TMEM150C: variants seen among roughly 807,000 people sequenced by gnomAD.
TMEM150C encodes the protein transmembrane protein 150C.
A neutral mutation model predicts 29.9 loss-of-function variants in TMEM150C; 10 were observed. That is an observed-to-expected ratio of 0.33 (90% CI 0.21 to 0.57). TMEM150C has a LOEUF of 0.57. TMEM150C is among the 20% of genes least tolerant of loss of function. The pLI, the probability that TMEM150C is intolerant of heterozygous loss-of-function variation, is 0.88. For missense variants in TMEM150C, 251 were observed against 303.6 expected, an observed-to-expected ratio of 0.83 and a Z score of 1.29; for synonymous variants, 101 against 112.5, an observed-to-expected ratio of 0.90 and a Z score of 0.64.
chr4:82,543,828 G>A (rs909362094), intron 1 of TMEM150C, among the ~76,000 whole-genome samples: 1 of 152,130 alleles, frequency 6.6e-6, no homozygotes, highest in Non-Finnish European at 1.5e-5. Flanking sequence ...ACCCTTGTGG[G>A]CCGAGAAGCT....
intron 1 of TMEM150C, among the ~76,000 whole-genome samples, chr4:82,524,537 TTGTC>T (rs1439356823): frequency 6.6e-6 from 1 of 152,210 alleles, no homozygotes; most frequent in Admixed American, 6.5e-5. Flanking sequence ...ACTCAAGTAA[TTGTC>T]TTTATGATGT....
chr4:82,524,938 T>C (rs941922646), intron 1 of TMEM150C, among the ~76,000 whole-genome samples: 1 of 152,112 alleles, frequency 6.6e-6, no homozygotes. Context: ...CACGGTGTGA[T>C]TACAAACTAA....
intron 1 of TMEM150C, among the ~76,000 whole-genome samples, chr4:82,548,776 T>A (rs904039822): frequency 1.3e-5 from 2 of 152,220 alleles, no homozygotes; most frequent in Non-Finnish European, 2.9e-5. Flanking sequence ...GGCCCTGGGC[T>A]GGGTCTTCAG....
chr4:82,499,098 C>A (rs1723646847), intron 5 of TMEM150C, among the ~76,000 whole-genome samples: 1 of 152,128 alleles, frequency 6.6e-6, no homozygotes, highest in South Asian at 2.1e-4. Context: ...ATAAAAGATT[C>A]TGCCCCTATA....
Position 82,483,704 on chromosome 4 carries a change from AG to A in TMEM150C, c.*1806del, listed in dbSNP as rs1217736387. On this transcript the variant is annotated 3_prime_UTR_variant, in exon 8 of 8. Coordinates refer to ENST00000449862, the MANE Select transcript of TMEM150C (RefSeq NM_001080506.3). The stretch of plus-strand genomic sequence containing the variant: ...AGTATGTGCCAGGCACTGTGTTAAG[AG>A]GTGGGGAACAATACAGAGATGAAAA... 1 of 152,084 alleles carries A rather than the reference AG, an allele frequency of 6.6e-6. No individual in the cohort carries two copies. Among genetic ancestry groups the A allele is most frequent in the Non-Finnish European group, 1.5e-5 (1 of 68,006 alleles). The allele number at this position is 152,084 out of a possible 1,614,324, so 9.4% of individuals were successfully genotyped here.
chr4:82,528,627 G>A (rs1433307583), intron 1 of TMEM150C, among the ~76,000 whole-genome samples: 1 of 142,334 alleles, frequency 7.0e-6, no homozygotes, highest in African/African-American at 2.8e-5. Context: ...TTTTTAGATG[G>A]AGTCTCTGTC....
At chr4:82,525,514 G>A (rs1724623938) in intron 1 of TMEM150C, among the ~76,000 whole-genome samples, 1 of 152,158 alleles carries the variant, frequency 6.6e-6, no homozygotes, top group African/African-American at 2.4e-5. Flanking sequence ...TCAATATTCA[G>A]GATAAAGAAA....
intron 1 of TMEM150C, among the ~76,000 whole-genome samples, chr4:82,528,673 A>G (rs1578143205): frequency 6.9e-6 from 1 of 145,156 alleles, no homozygotes; most frequent in East Asian, 2.0e-4. Flanking sequence ...ATCTTGGCTC[A>G]CTGCAACCTC....
At chr4:82,549,509 G>A (rs1304139168) in intron 1 of TMEM150C, among the ~76,000 whole-genome samples, 1 of 152,196 alleles carries the variant, frequency 6.6e-6, no homozygotes, top group Non-Finnish European at 1.5e-5. Flanking sequence ...TTTCAGTTCT[G>A]TAAGACGAAA....
intron 1 of TMEM150C, among the ~76,000 whole-genome samples, chr4:82,514,977 T>C (rs1489375199): frequency 6.6e-6 from 1 of 152,224 alleles, no homozygotes; most frequent in East Asian, 1.9e-4. Flanking sequence ...GCTAATACAT[T>C]CAGATACTCT....
intron 1 of TMEM150C, among the ~76,000 whole-genome samples, chr4:82,548,673 A>C (rs1280506469): frequency 5.9e-5 from 9 of 152,252 alleles, no homozygotes; most frequent in Non-Finnish European, 1.5e-5. Context: ...AAATAAGTGC[A>C]GCAGCTGGAA....
intron 1 of TMEM150C, 133 bp from the exon 2 acceptor site, chr4:82,504,800 G>A: frequency 1.7e-6 from 1 of 598,704 alleles, no homozygotes; most frequent in Admixed American, 2.4e-5. Flanking sequence ...GGAGGCCGAG[G>A]TGGGCGGATC....
intron 1 of TMEM150C, among the ~76,000 whole-genome samples, chr4:82,521,535 G>A (rs1336948744): frequency 2.6e-5 from 4 of 152,240 alleles, no homozygotes; most frequent in Admixed American, 6.5e-5. Flanking sequence ...CATCCACACA[G>A]TACGAGTGAT....
At chr4:82,491,371 G>T in intron 6 of TMEM150C, 1 of 640,396 alleles carries the variant, frequency 1.6e-6, no homozygotes, top group Non-Finnish European at 2.8e-6. Context: ...CCAGGGCCTG[G>T]GTGAACTGGT....
intron 5 of TMEM150C, among the ~76,000 whole-genome samples, chr4:82,500,826 G>A (rs1723714292): frequency 6.6e-6 from 1 of 152,250 alleles, no homozygotes; most frequent in South Asian, 2.1e-4. Flanking sequence ...GTGCTCACTG[G>A]TTTGTTTAAA....
rs1725098828 is a variant in TMEM150C, at chr4:82,538,813, C to T, written c.-11+23093G>A. On this transcript the variant is annotated intron_variant, in intron 1 of 7. Transcript: ENST00000449862. ...CAGTGGCTCATGCCTGCAATCCCAG[C>T]ACTTTGGGAGGCTGAGGTGGGCAGA... Among the ~76,000 whole-genome samples, 5 of 152,154 alleles carry T rather than the reference C, an allele frequency of 3.3e-5. No individual in the cohort carries two copies. In the South Asian group the frequency reaches 1.0e-3, roughly 32 times the overall value.
At chr4:82,504,539 C>T in intron 2 of TMEM150C, 39 bp downstream of exon 2, 1 of 1,548,098 alleles carries the variant, frequency 6.5e-7, no homozygotes, top group Non-Finnish European at 8.9e-7. Flanking sequence ...ATCTACATTG[C>T]ACCTGAATCC....
intron 1 of TMEM150C, among the ~76,000 whole-genome samples, chr4:82,513,114 G>T (rs1724181525): frequency 6.6e-6 from 1 of 152,216 alleles, no homozygotes; most frequent in Non-Finnish European, 1.5e-5. Context: ...TTCCTTAAGT[G>T]GGTCCTTGAC....
intron 1 of TMEM150C, among the ~76,000 whole-genome samples, chr4:82,536,238 G>A (rs1724998845): frequency 6.6e-6 from 1 of 151,568 alleles, no homozygotes; most frequent in East Asian, 1.9e-4. Context: ...TGCACCTGTA[G>A]TCCCAGCTAC....
Sources: allele counts gnomAD v4.1 joint callset (sites outside exome capture counted in the v4.1 genomes callset), GRCh38; gene constraint gnomAD v4.1.1; transcripts MANE v1.5; gene names NCBI Gene and HGNC (gene_info 2026-07-23, HGNC 2026-07-21).